The following ICA1 variants were observed in gnomAD, a reference collection of about 807,000 sequenced individuals.
The protein encoded by ICA1 is islet cell autoantigen 1.
A neutral mutation model predicts 71.0 loss-of-function variants in ICA1; 40 were observed. That is an observed-to-expected ratio of 0.56 (90% CI 0.44 to 0.73). The LOEUF is 0.73. Among genes scored for constraint, ICA1 ranks in the 30% least tolerant of loss-of-function variants. The pLI, the probability that ICA1 is intolerant of heterozygous loss-of-function variation, is 0.00. For synonymous variants in ICA1, 207 were observed against 209.5 expected, an observed-to-expected ratio of 0.99 and a Z score of 0.10; for missense variants, 578 against 576.5, an observed-to-expected ratio of 1.00 and a Z score of -0.03.
At position 8,226,747 on chromosome 7, in the gene ICA1, G is replaced by A. The variant is rs912508446; in HGVS notation, c.256+1854C>T. On this transcript the variant is annotated intron_variant, in intron 4 of 13. Coordinates refer to ENST00000402384, the MANE Select transcript of ICA1 (RefSeq NM_001136020.3). The surrounding 1 kb of genome is among the most constrained non-coding windows in gnomAD (Gnocchi z 4.4). ...TAAAAGGGCTTATCTACCATCCACAGCCAGCTCTGCTGGCACAACCAGGTG... is the reference window on the plus strand; with the variant it reads ...TAAAAGGGCTTATCTACCATCCACAACCAGCTCTGCTGGCACAACCAGGTG... 6.6e-6 allele frequency among the ~76,000 whole-genome samples: 1 copy of A among 152,196 alleles called. No homozygotes were observed.
At chr7:8,166,649 A>C (rs1806079827) in intron 6 of ICA1, among the ~76,000 whole-genome samples, 1 of 152,356 alleles carries the variant, frequency 6.6e-6, no homozygotes, top group Non-Finnish European at 1.5e-5. Context: ...ATGGGACCAA[A>C]GTAAACTAAA....
At chr7:8,126,420 G>A (rs956997539) in intron 13 of ICA1, among the ~76,000 whole-genome samples, 3 of 152,096 alleles carry the variant, frequency 2.0e-5, no homozygotes, top group Non-Finnish European at 2.9e-5. Context: ...ACTCAGGGTG[G>A]AGAAACATTT....
intron 6 of ICA1, among the ~76,000 whole-genome samples, chr7:8,208,972 C>G (rs1324056382): frequency 1.3e-5 from 2 of 152,134 alleles, no homozygotes; most frequent in Non-Finnish European, 2.9e-5. Context: ...CTTGATGGTT[C>G]CACTCAGTAA....
chr7:8,137,710 T>C (rs1273181628), intron 12 of ICA1, among the ~76,000 whole-genome samples: 1 of 152,258 alleles, frequency 6.6e-6, no homozygotes, highest in African/African-American at 2.4e-5. Flanking sequence ...CTGCATAGTA[T>C]GCTACCTGTC....
chr7:8,182,476 G>T (rs1269823659), intron 6 of ICA1, among the ~76,000 whole-genome samples: 2 of 152,136 alleles, frequency 1.3e-5, no homozygotes, highest in Non-Finnish European at 2.9e-5. Context: ...AGAAGAACAG[G>T]ACTCTTCTTC....
At chr7:8,117,294 C>T (rs903825302) in intron 13 of ICA1, among the ~76,000 whole-genome samples, 12 of 152,144 alleles carry the variant, frequency 7.9e-5, no homozygotes, top group African/African-American at 2.4e-4. Flanking sequence ...GCCTAATACA[C>T]GTTGTATAAC....
chr7:8,163,765 A>C (rs1222717077), intron 6 of ICA1, among the ~76,000 whole-genome samples: 1 of 152,128 alleles, frequency 6.6e-6, no homozygotes, highest in Non-Finnish European at 1.5e-5. Flanking sequence ...CCTAGAGCTG[A>C]GAGTAGGTCA....
At chr7:8,124,510 T>C (rs1202635501) in intron 13 of ICA1, among the ~76,000 whole-genome samples, 3 of 151,328 alleles carry the variant, frequency 2.0e-5, no homozygotes, top group African/African-American at 7.3e-5. Flanking sequence ...TTTGAGGGGA[T>C]TGAGGGTCCT....
rs1791715043 is a variant in ICA1, at chr7:8,132,224, C to G, written c.1061-4082G>C. Among the ~76,000 whole-genome samples, 2 of 152,026 alleles carry G rather than the reference C, an allele frequency of 1.3e-5. No homozygotes were observed. The highest frequency in any genetic ancestry group is 2.1e-4 in the South Asian group (1 of 4,816). On this transcript the variant is annotated intron_variant, in intron 12 of 13. Transcript: ENST00000402384. This position sits in a 1 kb window ranked among gnomAD's most constrained non-coding sequence, Gnocchi z 4.5. ...TTTCTAAGATAAGCCCTCTCTATGC[C>G]CTCCCCTCCTTCCTGAAGCCTGCTC... is the stretch of plus-strand genomic sequence containing the variant.
At chr7:8,142,660 C>G (rs1460509714) in intron 9 of ICA1, among the ~76,000 whole-genome samples, 1 of 152,234 alleles carries the variant, frequency 6.6e-6, no homozygotes, top group South Asian at 2.1e-4. Context: ...ACCTTCCTTC[C>G]ATCTTTTACA....
intron 6 of ICA1, among the ~76,000 whole-genome samples, chr7:8,162,921 G>C (rs937824985): frequency 6.6e-6 from 1 of 152,170 alleles, no homozygotes; most frequent in African/African-American, 2.4e-5. Flanking sequence ...GCGCCACCAC[G>C]CCTGGCTAAT....
At chr7:8,217,928 CATT>C (rs1251481023) in intron 6 of ICA1, among the ~76,000 whole-genome samples, 3 of 152,188 alleles carry the variant, frequency 2.0e-5, no homozygotes, top group Non-Finnish European at 2.9e-5. Flanking sequence ...TTTTAATATG[CATT>C]AGCGATTTTA....
At chr7:8,127,331 T>G (rs1789630472) in intron 13 of ICA1, among the ~76,000 whole-genome samples, 1 of 152,028 alleles carries the variant, frequency 6.6e-6, no homozygotes, top group African/African-American at 2.4e-5. Context: ...CTCTATTTTT[T>G]CTGTGGCTGA....
At chr7:8,176,525 G>A (rs920267145) in intron 6 of ICA1, among the ~76,000 whole-genome samples, 4 of 152,246 alleles carry the variant, frequency 2.6e-5, no homozygotes, top group African/African-American at 9.6e-5. Flanking sequence ...CTGCACGAAG[G>A]GGGAAACCAC....
Position 8,173,847 on chromosome 7 carries a change from G to A in ICA1, c.580-15195C>T, listed in dbSNP as rs193042051. 6.6e-6 allele frequency among the ~76,000 whole-genome samples: 1 copy of A among 152,078 alleles called. No homozygotes were observed. Among genetic ancestry groups the A allele is most frequent in the African/African-American group, 2.4e-5 (1 of 41,452 alleles). On this transcript the variant is annotated intron_variant, in intron 6 of 13. Coordinates refer to ENST00000402384, the MANE Select transcript of ICA1 (RefSeq NM_001136020.3). This position sits in a 1 kb window ranked among gnomAD's most constrained non-coding sequence, Gnocchi z 4.0. Reference sequence around the variant, plus strand: ...TTGAACACCTATAGCTCTCGGTGCTGGAGATAAGCAGAGAATAAAGCAAAG... The same window carrying A: ...TTGAACACCTATAGCTCTCGGTGCTAGAGATAAGCAGAGAATAAAGCAAAG...
At position 8,222,769 on chromosome 7, in the gene ICA1, G is replaced by T. The variant is rs1178290315; in HGVS notation, c.257-1371C>A. On this transcript the variant is annotated intron_variant, in intron 4 of 13. Transcript: ENST00000402384. This position sits in a 1 kb window ranked among gnomAD's most constrained non-coding sequence, Gnocchi z 4.8. ...GTTCACCATCAAAGGCCTGCTCGCA[G>T]GTTCCTTTCTCTGTGAAGCAATTGA... Among the ~76,000 whole-genome samples the T allele has an allele frequency of 6.6e-6, 1 of 152,180 alleles. No homozygotes were observed. Among genetic ancestry groups the T allele is most frequent in the African/African-American group, 2.4e-5 (1 of 41,434 alleles).
At chr7:8,205,163 A>C (rs375933270) in intron 6 of ICA1, among the ~76,000 whole-genome samples, 2 of 151,920 alleles carry the variant, frequency 1.3e-5, no homozygotes, top group Non-Finnish European at 2.9e-5. Flanking sequence ...GGCCTGGATC[A>C]TAAGTACCAA....
chr7:8,128,038 C>G lies in ICA1; in HGVS notation c.1165G>C (p.Glu389Gln). 4 of 1,614,230 alleles carry G rather than the reference C, an allele frequency of 2.5e-6. No homozygotes were observed. Among genetic ancestry groups the G allele is most frequent in the Non-Finnish European group, 3.4e-6 (4 of 1,180,038 alleles). Reference protein sequence around the residue: ...IFNASSLEEGEFSKEWAAVFG... With the variant: ...IFNASSLEEGQFSKEWAAVFG... ...ACAGCGGCCCACTCTTTGCTGAACT[C>G]GCCCTCTTCCAAGGAGGAAGCATTG... Residue 389 changes from glutamate (E) to glutamine (Q), a missense_variant, in exon 13 of 14, where the codon GAG (glutamate) becomes CAG (glutamine). Coordinates refer to ENST00000402384, the MANE Select transcript of ICA1 (RefSeq NM_001136020.3).
intron 6 of ICA1, among the ~76,000 whole-genome samples, chr7:8,158,943 A>T (rs937609844): frequency 1.3e-5 from 2 of 152,218 alleles, no homozygotes; most frequent in African/African-American, 4.8e-5. Flanking sequence ...CATGGTTGGG[A>T]GAAGACTGGA....
Sources: allele counts gnomAD v4.1 joint callset (sites outside exome capture counted in the v4.1 genomes callset), GRCh38; gene constraint gnomAD v4.1.1; non-coding constraint Gnocchi (gnomAD v3.1); transcripts MANE v1.5; gene names NCBI Gene and HGNC (gene_info 2026-07-23, HGNC 2026-07-21).